Variants in PABPC4L observed in about 807,000 individuals in gnomAD.
The protein encoded by PABPC4L is polyadenylate-binding protein 4-like.
For missense variants in PABPC4L, 452 were observed against 451.4 expected (o/e 1.00, Z -0.01); for synonymous variants, 169 against 164.1 (o/e 1.03, Z -0.23).
At chr4:134,140,143 A>G in the PABPC4L span, among the ~76,000 whole-genome samples, 1 of 151,820 alleles carries the variant, frequency 6.6e-6, no homozygotes, top group Non-Finnish European at 1.5e-5. Context: ...AAACTGAAAT[A>G]TCTAACCTAA....
At chr4:134,172,144 A>T in the PABPC4L span, among the ~76,000 whole-genome samples, 1 of 152,272 alleles carries the variant, frequency 6.6e-6, no homozygotes, top group South Asian at 2.1e-4. Flanking sequence ...CAATTACATT[A>T]TTCACAGAAT....
chr4:134,013,030 G>T, the PABPC4L span, among the ~76,000 whole-genome samples: 1 of 152,084 alleles, frequency 6.6e-6, no homozygotes, highest in Admixed American at 6.5e-5. Flanking sequence ...TTTCAGGGGT[G>T]TCAGACCACA....
the PABPC4L span, among the ~76,000 whole-genome samples, chr4:134,176,427 C>T: frequency 6.6e-6 from 1 of 152,014 alleles, no homozygotes; most frequent in Non-Finnish European, 1.5e-5. Flanking sequence ...TGCTTGAGCG[C>T]AGGAGTTGGA....
the PABPC4L span, among the ~76,000 whole-genome samples, chr4:134,075,570 T>A: frequency 1.3e-5 from 2 of 152,170 alleles, no homozygotes; most frequent in African/African-American, 4.8e-5. Context: ...GACTTTTAGC[T>A]TTATCCAACA....
the PABPC4L span, among the ~76,000 whole-genome samples, chr4:134,171,236 C>T: frequency 3.9e-5 from 6 of 152,116 alleles, no homozygotes; most frequent in East Asian, 1.9e-4. Flanking sequence ...CTGCCTCAGC[C>T]TCCCAAGTAG....
At chr4:134,141,444 A>C in the PABPC4L span, among the ~76,000 whole-genome samples, 1 of 150,858 alleles carries the variant, frequency 6.6e-6, no homozygotes, top group Admixed American at 6.7e-5. Flanking sequence ...AAAAGAAAGT[A>C]AATAGATCTC....
chr4:134,146,827 C>T, the PABPC4L span, among the ~76,000 whole-genome samples: 1 of 151,964 alleles, frequency 6.6e-6, no homozygotes, highest in Non-Finnish European at 1.5e-5. Flanking sequence ...CAGAAGGAAC[C>T]AATCTAGAGA....
At chr4:133,980,988 C>T in the PABPC4L span, among the ~76,000 whole-genome samples, 1 of 151,966 alleles carries the variant, frequency 6.6e-6, no homozygotes, top group East Asian at 1.9e-4. Context: ...TAGTGAAACC[C>T]CATCTCTAAT....
chr4:134,035,488 ATTTG>A, the PABPC4L span, among the ~76,000 whole-genome samples: 1 of 152,122 alleles, frequency 6.6e-6, no homozygotes, highest in South Asian at 2.1e-4. Context: ...TAAATCTACT[ATTTG>A]TTTAAGTTTC....
At chr4:134,126,179 C>T in the PABPC4L span, among the ~76,000 whole-genome samples, 2 of 152,042 alleles carry the variant, frequency 1.3e-5, no homozygotes, top group Non-Finnish European at 2.9e-5. Flanking sequence ...TTTCCTGGCT[C>T]ATATCATTTG....
the PABPC4L span, among the ~76,000 whole-genome samples, chr4:134,015,573 T>C: frequency 1.3e-5 from 2 of 152,088 alleles, no homozygotes; most frequent in African/African-American, 4.8e-5. Context: ...TAAGCCCAAA[T>C]TTCATCCTCA....
the PABPC4L span, among the ~76,000 whole-genome samples, chr4:133,954,252 T>A: frequency 1.3e-5 from 2 of 152,202 alleles, no homozygotes; most frequent in African/African-American, 2.4e-5. Flanking sequence ...TGTTAGGGTA[T>A]CCCAGGGATT....
chr4:134,063,064 T>G, the PABPC4L span, among the ~76,000 whole-genome samples: 1 of 152,242 alleles, frequency 6.6e-6, no homozygotes, highest in East Asian at 1.9e-4. Context: ...ATGTATTTTC[T>G]TGAAGATTGT....
the PABPC4L span, among the ~76,000 whole-genome samples, chr4:134,154,688 A>T: frequency 6.6e-6 from 1 of 151,866 alleles, no homozygotes; most frequent in Non-Finnish European, 1.5e-5. Flanking sequence ...CATTATTTGT[A>T]CTTTATATAT....
At chr4:134,116,765 T>G in the PABPC4L span, among the ~76,000 whole-genome samples, 1 of 151,884 alleles carries the variant, frequency 6.6e-6, no homozygotes, top group Middle Eastern at 3.4e-3. Flanking sequence ...ATCTTACATT[T>G]ATGTTTAAAG....
At chr4:134,170,800 A>G in the PABPC4L span, among the ~76,000 whole-genome samples, 8 of 152,174 alleles carry the variant, frequency 5.3e-5, no homozygotes, top group Non-Finnish European at 1.2e-4. Context: ...GTGGGAACAC[A>G]GATTCAGACA....
the PABPC4L span, among the ~76,000 whole-genome samples, chr4:134,012,460 T>G: frequency 6.6e-6 from 1 of 152,162 alleles, no homozygotes; most frequent in African/African-American, 2.4e-5. Flanking sequence ...CCCCTTTGAC[T>G]GTAATTTTCC....
chr4:134,028,294 C>T, the PABPC4L span, among the ~76,000 whole-genome samples: 1 of 152,036 alleles, frequency 6.6e-6, no homozygotes, highest in Non-Finnish European at 1.5e-5. Context: ...GCAAAAAGAT[C>T]GACCTTATCA....
At chr4:133,973,166 T>C in the PABPC4L span, among the ~76,000 whole-genome samples, 1 of 152,150 alleles carries the variant, frequency 6.6e-6, no homozygotes, top group Non-Finnish European at 1.5e-5. Context: ...TAAATCCCAA[T>C]TAAATGTCTT....
Sources: allele counts gnomAD v4.1 joint callset (sites outside exome capture counted in the v4.1 genomes callset), GRCh38; gene constraint gnomAD v4.1.1; transcripts MANE v1.5; gene names NCBI Gene and HGNC (gene_info 2026-07-23, HGNC 2026-07-21).